Variants in ASGR1 observed in about 807,000 individuals in gnomAD.
The protein encoded by ASGR1 is asialoglycoprotein receptor 1, also known as C-type lectin domain family 4 member H1.
A neutral mutation model predicts 33.1 loss-of-function variants in ASGR1; 35 were observed. The ratio of observed to expected loss-of-function variants is 1.06; its 90% CI spans 0.81 to 1.40. The LOEUF is 1.40. ASGR1 is among the 40% of genes most tolerant of loss of function. ASGR1 has a pLI of 0.00. For synonymous variants in ASGR1, 142 were observed against 152.5 expected, an observed-to-expected ratio of 0.93 and a Z score of 0.51; for missense variants, 396 against 373.7, an observed-to-expected ratio of 1.06 and a Z score of -0.49.
intron 2 of ASGR1, chr17:7,178,281 A>T: frequency 3.5e-6 from 2 of 576,040 alleles, no homozygotes; most frequent in Admixed American, 5.9e-5. Flanking sequence ...GAGGCACAGG[A>T]AAGCTTTGGG....
chr17:7,176,878 T>C lies in ASGR1; in HGVS notation c.307A>G (p.Lys103Glu), dbSNP rs1251926978. 6.2e-6 allele frequency: 10 copies of C among 1,613,228 alleles called. No individual in the cohort carries two copies. The highest frequency in any genetic ancestry group is 5.9e-6 in the Non-Finnish European group (7 of 1,179,992). ...TTCTCCAGCTGGGACTCTAGCGACT[T>C]CATCTTTCTTCCCACATTGCCTCCT... ...TQGGNVGRKMKSLESQLEKQQ... is the reference protein window; with the variant it reads ...TQGGNVGRKMESLESQLEKQQ... The change falls in exon 5 of 9, where the codon AAG becomes GAG. Residue 103 changes from lysine (K) to glutamate (E), a missense_variant. By Grantham distance (56) the Lys-to-Glu change is moderately conservative. Transcript: ENST00000269299.
At chr17:7,176,079 C>T (rs977855610) in intron 5 of ASGR1, among the ~76,000 whole-genome samples, 1 of 150,678 alleles carries the variant, frequency 6.6e-6, no homozygotes, top group Non-Finnish European at 1.5e-5. Context: ...CACTCCTTCT[C>T]ATTCTCACAC....
chr17:7,174,421 G>C lies in ASGR1; in HGVS notation c.395C>G (p.Ser132Cys). 6.2e-7 allele frequency: 1 copy of C among 1,613,810 alleles called. No homozygotes were observed. The highest frequency in any genetic ancestry group is 8.5e-7 in the Non-Finnish European group (1 of 1,179,890). Residue 132 changes from serine to cysteine, a missense_variant, in exon 6 of 9, where the codon TCT (serine) becomes TGT (cysteine). By Grantham distance (112) the Ser-to-Cys change is moderately radical. Coordinates refer to ENST00000269299, the MANE Select transcript of ASGR1 (RefSeq NM_001671.5). ...SLLLHVKQFV[S>C]DLRSLSCQMA... is the part of the protein sequence containing the mutation. ...CTGACAGCTCAGGCTCCGCAGGTCA[G>C]ACACGAACTGCTTCACGTGGAGCAG...
chr17:7,175,489 CCACA>C (rs370976819), intron 5 of ASGR1, among the ~76,000 whole-genome samples: 3 of 150,666 alleles, frequency 2.0e-5, no homozygotes, highest in Admixed American at 6.6e-5. Context: ...ACTACACACA[CCACA>C]CACACTCACC....
At position 7,174,148 on chromosome 17, in the gene ASGR1, C is replaced by G; in HGVS notation, c.584G>C (p.Trp195Ser). ...EDAHLVVVTS[W>S]EEQKFVQHHI... ...CCTCCGGGTCCTCACCTGCTCCTCC[C>G]AGGACGTGACCACCACCAGGTGCGC... Residue 195 changes from tryptophan to serine, a missense_variant, in exon 7 of 9, where the codon TGG becomes TCG. By Grantham distance (177) the Trp-to-Ser change is radical. Transcript: ENST00000269299. The G allele has an allele frequency of 1.2e-6, 2 of 1,614,076 alleles. No individual in the cohort carries two copies. Among genetic ancestry groups the G allele is most frequent in the Non-Finnish European group, 1.7e-6 (2 of 1,179,966 alleles).
Position 7,174,373 on chromosome 17 carries a change from C to A in ASGR1, c.442+1G>T. On this transcript the variant is annotated splice_donor_variant, in intron 6 of 8. Transcript: ENST00000269299. LOFTEE classifies it high-confidence loss of function. Reference sequence around the variant, plus strand: ...AGAGCGGGCCGGGCTGGCCTCCTTACCATTGCCCTGGAGCGCCGCCATCTG... The same window carrying A: ...AGAGCGGGCCGGGCTGGCCTCCTTAACATTGCCCTGGAGCGCCGCCATCTG... 2 of 1,613,994 alleles carry A rather than the reference C, an allele frequency of 1.2e-6. No individual in the cohort carries two copies. Among genetic ancestry groups the A allele is most frequent in the South Asian group, 2.2e-5 (2 of 91,072 alleles).
chr17:7,175,396 C>T (rs1362045169), intron 5 of ASGR1, among the ~76,000 whole-genome samples: 1 of 150,102 alleles, frequency 6.7e-6, no homozygotes, highest in Non-Finnish European at 1.5e-5. Context: ...AACCACAACA[C>T]ACCCTCACAC....
intron 5 of ASGR1, chr17:7,176,567 T>A: frequency 8.3e-6 from 4 of 480,940 alleles, no homozygotes; most frequent in Non-Finnish European, 1.5e-5. Context: ...ACACACCTCA[T>A]TCTCACACAC....
Position 7,177,275 on chromosome 17 carries a change from A to G in ASGR1, c.122T>C (p.Leu41Pro), listed in dbSNP as rs773385140. The G allele has an allele frequency of 1.2e-6, 2 of 1,613,520 alleles. No homozygotes were observed. The change falls in exon 3 of 9, where the codon CTC (leucine) becomes CCC (proline). Residue 41 changes from leucine to proline, a missense_variant. Coordinates refer to ENST00000269299, the MANE Select transcript of ASGR1 (RefSeq NM_001671.5). ...GCTGAGGCCCAGGGAGAGCAGGAGG[A>G]GGCGAGGTCCGGAGCAGAGACGCTG... ...LLQRLCSGPR[L>P]LLLSLGLSLL...
chr17:7,175,974 TCA>T (rs1255498701), intron 5 of ASGR1, among the ~76,000 whole-genome samples: 22 of 145,370 alleles, frequency 1.5e-4, no homozygotes, highest in East Asian at 6.2e-4. Flanking sequence ...ACACACGTTC[TCA>T]CACACATACA....
In ASGR1 at chr17:7,173,727, G is replaced by A; in HGVS notation, c.808C>T (p.Gln270Ter). ...TCGCAGACCCAGCGGTAGGGCCTCT[G>A]GCAGACGTCGTCGTTCCAGCGGCCG... ...DDGRWNDDVCQRPYRWVCETE... is the reference protein window; with the variant it reads ...DDGRWNDDVC Residue 270 changes from glutamine to a stop codon, truncating the protein, a stop_gained, in exon 9 of 9, where the codon CAG becomes TAG. Coordinates refer to ENST00000269299, the MANE Select transcript of ASGR1 (RefSeq NM_001671.5). LOFTEE classifies it low-confidence loss of function (END_TRUNC). This position sits in a 1 kb window ranked among gnomAD's most constrained non-coding sequence, Gnocchi z 4.7. The A allele has an allele frequency of 1.2e-6, 2 of 1,613,848 alleles. No homozygotes were observed. Among genetic ancestry groups the A allele is most frequent in the Non-Finnish European group, 1.7e-6 (2 of 1,180,034 alleles).
At position 7,179,353 on chromosome 17, in the gene ASGR1, G is replaced by C. The variant is rs1449304448; in HGVS notation, c.-189C>G. ...GAGGGCCCTGGGCCCCGGTGTCTCT[G>C]TGTCTGCGTGTCTGTGTGTCCAAGC... On this transcript the variant is annotated 5_prime_UTR_variant, in exon 1 of 9. Transcript: ENST00000269299. 2 of 152,288 alleles carry C rather than the reference G, an allele frequency of 1.3e-5. No individual in the cohort carries two copies. The highest frequency in any genetic ancestry group is 2.9e-5 in the Non-Finnish European group (2 of 68,180). The allele number at this position is 152,288 out of a possible 1,614,324, so 9.4% of individuals were successfully genotyped here.
intron 5 of ASGR1, 86 bp downstream of exon 5, chr17:7,176,744 A>T: frequency 2.6e-6 from 4 of 1,553,336 alleles, no homozygotes; most frequent in Non-Finnish European, 3.5e-6. Context: ...ACACACATCC[A>T]CACACACTCA....
At chr17:7,174,727 A>AC (rs2069175258) in intron 5 of ASGR1, among the ~76,000 whole-genome samples, 5 of 144,964 alleles carry the variant, frequency 3.4e-5, no homozygotes, top group African/African-American at 1.3e-4. Context: ...ACACACACAC[A>AC]ACCTAACCCA....
At chr17:7,176,521 T>A in intron 5 of ASGR1, 1 of 449,092 alleles carries the variant, frequency 2.2e-6, no homozygotes, top group Non-Finnish European at 3.8e-6. Context: ...ACACCCCCTC[T>A]CATTCCCACA....
rs141693553 is a variant in ASGR1, at chr17:7,174,015, T to G, written c.647A>C (p.Asp216Ala). 2 of 1,614,122 alleles carry G rather than the reference T, an allele frequency of 1.2e-6. No homozygotes were observed. The highest frequency in any genetic ancestry group is 1.7e-6 in the Non-Finnish European group (2 of 1,179,992). ...CACCCACTTCCAGGGCCCGTTTTGGTCGTGGAGGCCCATCCAGGTGTTCAC... is the reference window on the plus strand; with the variant it reads ...CACCCACTTCCAGGGCCCGTTTTGGGCGTGGAGGCCCATCCAGGTGTTCAC... Reference protein sequence around the residue: ...GPVNTWMGLHDQNGPWKWVDG... With the variant: ...GPVNTWMGLHAQNGPWKWVDG... Residue 216 changes from aspartate (D) to alanine (A), a missense_variant, in exon 8 of 9, where the codon GAC becomes GCC. Coordinates refer to ENST00000269299, the MANE Select transcript of ASGR1 (RefSeq NM_001671.5).
In ASGR1 at chr17:7,178,567, A is replaced by G; in HGVS notation, c.-4T>C. 6.2e-7 allele frequency: 1 copy of G among 1,613,758 alleles called. No homozygotes were observed. The highest frequency in any genetic ancestry group is 8.5e-7 in the Non-Finnish European group (1 of 1,179,852). ...GGTCTTGATACTCCTTGGTCATGAT[A>G]GGGCTGGCGCTGGACCTGGGACTGA... On this transcript the variant is annotated 5_prime_UTR_variant, in exon 2 of 9. Coordinates refer to ENST00000269299, the MANE Select transcript of ASGR1 (RefSeq NM_001671.5).
Position 7,173,806 on chromosome 17 carries a change from G to A in ASGR1, c.729C>T (p.Asp243=), listed in dbSNP as rs370447713. Reference sequence around the variant, plus strand: ...CTCCTCCGAGCCCGTGGCCGTACCAGTCGTCCGGCTGCTCCGGCCTCCAGT... The same window carrying A: ...CTCCTCCGAGCCCGTGGCCGTACCAATCGTCCGGCTGCTCCGGCCTCCAGT... ...FKNWRPEQPD[D]WYGHGLGGGE... The change falls in exon 9 of 9, where the codon GAC becomes GAT. Residue 243 remains aspartate, a synonymous_variant. Coordinates refer to ENST00000269299, the MANE Select transcript of ASGR1 (RefSeq NM_001671.5). This position sits in a 1 kb window ranked among gnomAD's most constrained non-coding sequence, Gnocchi z 4.7. 7 of 1,611,516 alleles carry A rather than the reference G, an allele frequency of 4.3e-6. No homozygotes were observed. The highest frequency in any genetic ancestry group is 3.3e-5 in the Admixed American group (2 of 59,984).
rs764624231 is a variant in ASGR1 at position 7,174,156 on chromosome 17, G to A, written c.576C>T (p.Val192=). 2 of 1,613,980 alleles carry A rather than the reference G, an allele frequency of 1.2e-6. No individual in the cohort carries two copies. Among genetic ancestry groups the A allele is most frequent in the Admixed American group, 1.7e-5 (1 of 59,998 alleles). ...CRLEDAHLVV[V]TSWEEQKFVQ... The stretch of plus-strand genomic sequence containing the variant: ...TCCTCACCTGCTCCTCCCAGGACGT[G>A]ACCACCACCAGGTGCGCGTCCTCCA... The change falls in exon 7 of 9, where the codon GTC becomes GTT. Residue 192 remains valine, a synonymous_variant. Coordinates refer to ENST00000269299, the MANE Select transcript of ASGR1 (RefSeq NM_001671.5).
Sources: gnomAD v4.1 joint callset for allele counts (sites outside exome capture counted in the v4.1 genomes callset) on GRCh38, gnomAD v4.1.1 for gene constraint, Gnocchi (gnomAD v3.1) non-coding constraint, MANE v1.5 for transcripts, NCBI Gene and HGNC (gene_info 2026-07-23, HGNC 2026-07-21) for gene names.